Variants in GPC3 observed in about 807,000 individuals in gnomAD.
GPC3 encodes glypican 3.
Under a neutral mutation model 34.4 loss-of-function variants are expected in GPC3, and 3 were observed. The ratio of observed to expected loss-of-function variants is 0.09; its 90% confidence interval spans 0.04 to 0.23. The LOEUF (loss-of-function observed/expected upper bound fraction) is 0.23. Ranked by LOEUF, GPC3 falls within the 10% of genes least tolerant of loss-of-function variation. The pLI is 1.00. For missense variants in GPC3, 351 were observed against 445.6 expected (o/e 0.79, Z 1.91); for synonymous variants, 177 against 174.0 (o/e 1.02, Z -0.13).
At chrX:133,879,457 T>C (rs757776113) in intron 2 of GPC3, among the ~76,000 whole-genome samples, 32 of 110,932 alleles carry the variant, frequency 2.9e-4, no homozygotes, top group African/African-American at 1.0e-3. Context: ...ACTAAGAAAG[T>C]TGATGAATGG....
At chrX:133,644,782 C>CT (rs898221382) in intron 6 of GPC3, among the ~76,000 whole-genome samples, 4 of 109,844 alleles carry the variant, frequency 3.6e-5, no homozygotes, top group Admixed American at 1.9e-4. Flanking sequence ...TTTCTTCTCT[C>CT]TTTTTTTTTG....
chrX:133,922,162 C>G (rs914709197), intron 2 of GPC3, among the ~76,000 whole-genome samples: 3 of 112,592 alleles, frequency 2.7e-5, no homozygotes, highest in Admixed American at 9.4e-5. Context: ...GAGAATGACA[C>G]TTGGCAGCAA....
Position 133,743,712 on chromosome X carries a change from C to T in GPC3, c.1032+9770G>A, listed in dbSNP as rs771752523. Among the ~76,000 whole-genome samples the T allele has an allele frequency of 8.7e-4, 98 of 112,425 alleles. 1 individual carries two copies. Among genetic ancestry groups the T allele is most frequent in the African/African-American group, 3.0e-3 (94 of 31,012 alleles). ...AAGGTAGGAGGCTACTTTCACTGTA[C>T]TCTGATTCCCTAGCCACTCGACATC... On this transcript the variant is annotated intron_variant, in intron 3 of 7. Transcript: ENST00000370818.
At chrX:133,848,876 G>A (rs899215861) in intron 2 of GPC3, among the ~76,000 whole-genome samples, 1 of 110,529 alleles carries the variant, frequency 9.0e-6, no homozygotes, top group Non-Finnish European at 1.9e-5. Flanking sequence ...CAAAGCAATG[G>A]AGAGTAAGGG....
chrX:133,779,793 T>A (rs1240939349), intron 2 of GPC3, among the ~76,000 whole-genome samples: 3 of 110,144 alleles, frequency 2.7e-5, no homozygotes, highest in African/African-American at 9.9e-5. Flanking sequence ...TATTTAAAGT[T>A]TTTCTCCCCT....
chrX:133,620,728 T>C (rs1471874813), intron 6 of GPC3, among the ~76,000 whole-genome samples: 1 of 111,659 alleles, frequency 9.0e-6, no homozygotes, highest in Non-Finnish European at 1.9e-5. Context: ...GCCTGCTACC[T>C]GGAGGCTTCA....
intron 3 of GPC3, among the ~76,000 whole-genome samples, chrX:133,748,650 G>T (rs2071631967): frequency 9.2e-6 from 1 of 108,907 alleles, no homozygotes; most frequent in African/African-American, 3.4e-5. Context: ...ATAACATTAA[G>T]ATATCTTGGC....
chrX:133,983,053 G>A (rs769139142), intron 1 of GPC3, among the ~76,000 whole-genome samples: 2 of 111,515 alleles, frequency 1.8e-5, no homozygotes, highest in East Asian at 2.8e-4. Context: ...TTCAGGACAC[G>A]CAGTTTCATG....
intron 2 of GPC3, among the ~76,000 whole-genome samples, chrX:133,938,930 A>G (rs975716400): frequency 8.9e-6 from 1 of 112,089 alleles, no homozygotes; most frequent in African/African-American, 3.2e-5. Context: ...CACCAAGTAA[A>G]TGTACAATAG....
At chrX:133,556,872 G>T (rs2069494540) in intron 7 of GPC3, among the ~76,000 whole-genome samples, 1 of 107,525 alleles carries the variant, frequency 9.3e-6, no homozygotes, top group Non-Finnish European at 1.9e-5. Flanking sequence ...GTATACATAT[G>T]TAACAAACCT....
chrX:133,946,065 A>G (rs887836881), intron 2 of GPC3, among the ~76,000 whole-genome samples: 1 of 112,084 alleles, frequency 8.9e-6, no homozygotes, highest in Non-Finnish European at 1.9e-5. Context: ...ATCTACTTGA[A>G]GGTAGCCATG....
chrX:133,860,567 A>G (rs188394600), intron 2 of GPC3, among the ~76,000 whole-genome samples: 1 of 112,026 alleles, frequency 8.9e-6, no homozygotes, highest in African/African-American at 3.2e-5. Context: ...TAACATTTCT[A>G]TGAGGAAGAC....
At chrX:133,636,026 G>T (rs2070419805) in intron 6 of GPC3, among the ~76,000 whole-genome samples, 1 of 110,876 alleles carries the variant, frequency 9.0e-6, no homozygotes. Context: ...ACCTGGGCTT[G>T]CATATATGGT....
intron 2 of GPC3, among the ~76,000 whole-genome samples, chrX:133,819,634 T>C (rs927410098): frequency 3.6e-5 from 4 of 110,783 alleles, no homozygotes; most frequent in Non-Finnish European, 7.6e-5. Flanking sequence ...CAAAACACAG[T>C]AGAATAAACA....
chrX:133,948,302 C>T (rs1478063841), intron 2 of GPC3, among the ~76,000 whole-genome samples: 1 of 110,468 alleles, frequency 9.1e-6, no homozygotes, highest in Non-Finnish European at 1.9e-5. Context: ...GGTATTCTAA[C>T]CAAGGTCAAT....
At chrX:133,569,719 C>T (rs1484878047) in intron 7 of GPC3, among the ~76,000 whole-genome samples, 1 of 112,014 alleles carries the variant, frequency 8.9e-6, no homozygotes, top group Non-Finnish European at 1.9e-5. Flanking sequence ...ATGTGAGACA[C>T]ATGTGGCCAC....
intron 6 of GPC3, among the ~76,000 whole-genome samples, chrX:133,601,756 T>C (rs1324371819): frequency 8.9e-6 from 1 of 111,853 alleles, no homozygotes; most frequent in Non-Finnish European, 1.9e-5. Context: ...CTAAATTCCA[T>C]AAAAATCACC....
At chrX:133,644,029 T>C (rs1266877304) in intron 6 of GPC3, among the ~76,000 whole-genome samples, 1 of 110,229 alleles carries the variant, frequency 9.1e-6, no homozygotes, top group Non-Finnish European at 1.9e-5. Context: ...GGTTTCGCTA[T>C]GTTGGCCAGG....
intron 6 of GPC3, among the ~76,000 whole-genome samples, chrX:133,606,286 T>G (rs1293533666): frequency 8.9e-6 from 1 of 112,006 alleles, no homozygotes; most frequent in East Asian, 2.8e-4. Context: ...ACCAATAGCT[T>G]AGAAGTGTAT....
Sources: allele counts gnomAD v4.1 joint callset (sites outside exome capture counted in the v4.1 genomes callset), GRCh38; gene constraint gnomAD v4.1.1; transcripts MANE v1.5; gene names NCBI Gene and HGNC (gene_info 2026-07-23, HGNC 2026-07-21).